Variants in BCKDHB observed in about 807,000 individuals in gnomAD.
The protein encoded by BCKDHB is branched chain keto acid dehydrogenase E1 subunit beta.
A neutral mutation model predicts 48.5 loss-of-function variants in BCKDHB; 41 were observed. The observed-to-expected ratio is 0.85, with a 90% CI of 0.66 to 1.10. BCKDHB has a LOEUF of 1.10. BCKDHB is among the 50% of genes least tolerant of loss of function. BCKDHB has a pLI of 0.00. For synonymous variants in BCKDHB, 201 were observed against 174.8 expected (o/e 1.15, Z -1.18); for missense variants, 496 against 494.2 (o/e 1.00, Z -0.03).
At chr6:80,294,712 G>C (rs1351843725) in intron 9 of BCKDHB, among the ~76,000 whole-genome samples, 6 of 152,142 alleles carry the variant, frequency 3.9e-5, no homozygotes, top group Non-Finnish European at 8.8e-5. Context: ...TTAGGGTGGG[G>C]AAGAACTCCG....
intron 9 of BCKDHB, among the ~76,000 whole-genome samples, chr6:80,309,994 C>T (rs1397578344): frequency 6.6e-6 from 1 of 152,022 alleles, no homozygotes; most frequent in Admixed American, 6.6e-5. Context: ...GGCTAATGGC[C>T]TCCAGCTCCA....
At chr6:80,377,812 A>T in the BCKDHB span, among the ~76,000 whole-genome samples, 1 of 152,222 alleles carries the variant, frequency 6.6e-6, no homozygotes, top group South Asian at 2.1e-4. Context: ...CTAAAACAAC[A>T]TAAAAGTCCT....
intron 8 of BCKDHB, among the ~76,000 whole-genome samples, chr6:80,213,921 G>A (rs1048008743): frequency 9.2e-5 from 14 of 152,172 alleles, no homozygotes; most frequent in Admixed American, 5.2e-4. Flanking sequence ...GGCCTTAGGG[G>A]AAAGGAGCTA....
chr6:80,197,601 G>C (rs1640925546), intron 6 of BCKDHB, among the ~76,000 whole-genome samples: 2 of 152,030 alleles, frequency 1.3e-5, no homozygotes, highest in African/African-American at 4.8e-5. Context: ...TGTGTTCCAG[G>C]GATTTGCTAA....
At chr6:80,212,435 T>A (rs1038963745) in intron 8 of BCKDHB, among the ~76,000 whole-genome samples, 4 of 152,200 alleles carry the variant, frequency 2.6e-5, no homozygotes, top group Non-Finnish European at 5.9e-5. Flanking sequence ...AAGAAAAATG[T>A]GGCTCTTTTT....
At chr6:80,134,867 C>T (rs939152102) in intron 3 of BCKDHB, among the ~76,000 whole-genome samples, 9 of 151,954 alleles carry the variant, frequency 5.9e-5, no homozygotes, top group African/African-American at 1.9e-4. Context: ...ATTCTTGTGC[C>T]TCAGCCTCTG....
the BCKDHB span, among the ~76,000 whole-genome samples, chr6:80,394,849 G>A: frequency 6.6e-6 from 1 of 152,154 alleles, no homozygotes; most frequent in African/African-American, 2.4e-5. Context: ...GACCCAGTGG[G>A]AGGTAATTGA....
At chr6:80,124,808 A>C (rs1770253021) in intron 1 of BCKDHB, among the ~76,000 whole-genome samples, 1 of 152,128 alleles carries the variant, frequency 6.6e-6, no homozygotes, top group South Asian at 2.1e-4. Flanking sequence ...ATATTCAGGA[A>C]ACCCTGATAT....
the BCKDHB span, among the ~76,000 whole-genome samples, chr6:80,370,148 A>G: frequency 6.6e-6 from 1 of 152,162 alleles, no homozygotes; most frequent in Non-Finnish European, 1.5e-5. Context: ...TTTTGAGGCA[A>G]TAATAATATA....
intron 9 of BCKDHB, among the ~76,000 whole-genome samples, chr6:80,324,764 G>C (rs1768946862): frequency 2.0e-5 from 3 of 151,928 alleles, no homozygotes; most frequent in African/African-American, 7.3e-5. Flanking sequence ...TCTTAAACTG[G>C]GTGACAGAGC....
At chr6:80,334,201 T>C (rs1282262834) in intron 9 of BCKDHB, among the ~76,000 whole-genome samples, 2 of 152,132 alleles carry the variant, frequency 1.3e-5, no homozygotes, top group Non-Finnish European at 2.9e-5. Flanking sequence ...TAGAAAAGTA[T>C]ATTTTGAATT....
intron 4 of BCKDHB, among the ~76,000 whole-genome samples, chr6:80,168,439 AGAGGGAGG>A (rs1323763415): frequency 3.3e-5 from 2 of 60,818 alleles, no homozygotes; most frequent in Non-Finnish European, 2.9e-5. Flanking sequence ...GAAAAGGAAG[AGAGGGAGG>A]GAGGGAGGGA....
chr6:80,281,403 T>G (rs914832165), intron 9 of BCKDHB, among the ~76,000 whole-genome samples: 4 of 152,124 alleles, frequency 2.6e-5, no homozygotes, highest in Non-Finnish European at 4.4e-5. Flanking sequence ...ATAGCATATA[T>G]GGCCAAGAAT....
chr6:80,316,147 A>C (rs1454630362), intron 9 of BCKDHB, among the ~76,000 whole-genome samples: 1 of 152,250 alleles, frequency 6.6e-6, no homozygotes, highest in Non-Finnish European at 1.5e-5. Flanking sequence ...TTCATTAGGC[A>C]GTACAGTGTC....
chr6:80,246,137 A>C (rs1776602493), intron 8 of BCKDHB, among the ~76,000 whole-genome samples: 1 of 152,124 alleles, frequency 6.6e-6, no homozygotes, highest in South Asian at 2.1e-4. Context: ...TAAGAATCAC[A>C]CTTTAGGATA....
At chr6:80,333,350 A>G (rs1769416845) in intron 9 of BCKDHB, among the ~76,000 whole-genome samples, 1 of 152,188 alleles carries the variant, frequency 6.6e-6, no homozygotes, top group Admixed American at 6.6e-5. Flanking sequence ...AAAGGAGACT[A>G]TATAAACAGC....
At chr6:80,286,752 A>G (rs1018161542) in intron 9 of BCKDHB, among the ~76,000 whole-genome samples, 3 of 152,190 alleles carry the variant, frequency 2.0e-5, no homozygotes, top group East Asian at 1.9e-4. Flanking sequence ...TAAGTGTTTC[A>G]TAGACAGAGT....
the BCKDHB span, among the ~76,000 whole-genome samples, chr6:80,403,063 G>A: frequency 4.6e-5 from 7 of 151,432 alleles, no homozygotes; most frequent in East Asian, 1.9e-4. Flanking sequence ...GTTTTTTCTC[G>A]ATAATACTGC....
At chr6:80,340,346 G>C (rs890925733) in intron 9 of BCKDHB, among the ~76,000 whole-genome samples, 4 of 152,120 alleles carry the variant, frequency 2.6e-5, no homozygotes, top group Non-Finnish European at 4.4e-5. Context: ...CTAGAGAAAA[G>C]TTTCTCTAGG....
Sources: gnomAD v4.1 joint callset for allele counts (sites outside exome capture counted in the v4.1 genomes callset) on GRCh38, gnomAD v4.1.1 for gene constraint, MANE v1.5 for transcripts, NCBI Gene and HGNC (gene_info 2026-07-23, HGNC 2026-07-21) for gene names.